Variants in SDK1 observed in about 807,000 individuals in gnomAD.
The protein encoded by SDK1 is sidekick cell adhesion molecule 1.
In SDK1, 157 loss-of-function variants were observed where a neutral mutation model predicts 245.5. That is an observed-to-expected ratio of 0.64 (90% confidence interval 0.56 to 0.73). The LOEUF is 0.73. Among genes scored for constraint, SDK1 ranks in the 30% least tolerant of loss-of-function variants. The probability of loss-of-function intolerance (pLI) is 0.00; values close to 1 mark genes in which losing one functional copy is unlikely to be tolerated. For synonymous variants in SDK1, 1,647 were observed against 1,278.5 expected, an observed-to-expected ratio of 1.29 and a Z score of -6.15; for missense variants, 3,583 against 3,002.3, an observed-to-expected ratio of 1.19 and a Z score of -4.52.
chr7:3,424,385 T>C (rs151317497), intron 1 of SDK1, among the ~76,000 whole-genome samples: 41 of 152,328 alleles, frequency 2.7e-4, no homozygotes, highest in African/African-American at 9.4e-4. Flanking sequence ...TTCCTAAACA[T>C]TTAAGCCTAG....
At chr7:3,563,828 A>G (rs1163114096) in intron 1 of SDK1, among the ~76,000 whole-genome samples, 1 of 152,238 alleles carries the variant, frequency 6.6e-6, no homozygotes, top group Non-Finnish European at 1.5e-5. Flanking sequence ...CCCAGGAATG[A>G]AAGCAATAAC....
intron 1 of SDK1, among the ~76,000 whole-genome samples, chr7:3,442,623 T>G (rs1457606656): frequency 6.6e-6 from 1 of 152,214 alleles, no homozygotes; most frequent in Non-Finnish European, 1.5e-5. Context: ...AGGGATTCAC[T>G]TAGTTTCTCT....
chr7:3,930,137 C>T (rs1471554806), intron 5 of SDK1, among the ~76,000 whole-genome samples: 1 of 152,146 alleles, frequency 6.6e-6, no homozygotes. Flanking sequence ...GGTCCTGATT[C>T]GATGGGTCTG....
chr7:3,671,957 C>G lies in SDK1; in HGVS notation c.713+29852C>G, dbSNP rs1047872400. 2.0e-5 allele frequency among the ~76,000 whole-genome samples: 3 copies of G among 152,150 alleles called. No individual in the cohort carries two copies. In the East Asian group the frequency reaches 5.8e-4, roughly 29 times the overall value. ...CTGAACTTGACTTATCCCTTTACAA[C>G]TGATCCATGCCTACACAGTAGTTGC... On this transcript the variant is annotated intron_variant, in intron 4 of 44. Coordinates refer to ENST00000404826, the MANE Select transcript of SDK1 (RefSeq NM_152744.4).
At chr7:3,467,427 G>A (rs1393255346) in intron 1 of SDK1, among the ~76,000 whole-genome samples, 2 of 151,844 alleles carry the variant, frequency 1.3e-5, no homozygotes, top group South Asian at 4.1e-4. Context: ...AAAATGTATA[G>A]TATAAAAATA....
At position 3,477,189 on chromosome 7, in the gene SDK1, CTTTTTTTTT is replaced by C. The variant is rs35328849; in HGVS notation, c.299-141875_299-141867del. ...TTCATTTTTGCTTTATGGTTTTCTC[CTTTTTTTTT>C]TTTTTTTTTTTTTTTGAGCCAGAGT... On this transcript the variant is annotated intron_variant, in intron 1 of 44. Transcript: ENST00000404826. 1.3e-3 allele frequency among the ~76,000 whole-genome samples: 104 copies of C among 78,656 alleles called. No individual in the cohort carries two copies. In the South Asian group the frequency reaches 0.02, roughly 15 times the overall value. 51.6% of individuals were successfully genotyped at this position (78,656 alleles called of 152,430 possible).
intron 1 of SDK1, among the ~76,000 whole-genome samples, chr7:3,591,528 A>G (rs1780875229): frequency 6.6e-6 from 1 of 152,250 alleles, no homozygotes; most frequent in African/African-American, 2.4e-5. Flanking sequence ...CTGGCTGTTC[A>G]CATTGACATT....
rs562703125 is a variant in SDK1 at position 3,564,375 on chromosome 7, C to G, written c.299-54705C>G. On this transcript the variant is annotated intron_variant, in intron 1 of 44. Transcript: ENST00000404826. ...ACAATGCTGGCACCTGTAGTCCCAGCTGCTTTGGGAGGCCGAGACAGGATA... is the reference window on the plus strand; with the variant it reads ...ACAATGCTGGCACCTGTAGTCCCAGGTGCTTTGGGAGGCCGAGACAGGATA... 2.5e-3 allele frequency among the ~76,000 whole-genome samples: 374 copies of G among 152,112 alleles called. 3 individuals are homozygous for G. The highest frequency in any genetic ancestry group is 8.9e-3 in the African/African-American group (368 of 41,524).
At position 3,557,706 on chromosome 7, in the gene SDK1, T is replaced by G. The variant is rs371920050; in HGVS notation, c.299-61374T>G. The stretch of plus-strand genomic sequence containing the variant: ...AACTCAGTAAAGGGTACTCAGAATC[T>G]CTTTGTATTACATCCTATAACTTGC... On this transcript the variant is annotated intron_variant, in intron 1 of 44. Coordinates refer to ENST00000404826, the MANE Select transcript of SDK1 (RefSeq NM_152744.4). Among the ~76,000 whole-genome samples the G allele has an allele frequency of 7.9e-5, 12 of 152,194 alleles. No homozygotes were observed. The East Asian group carries it at 1.7e-3, about 22-fold the overall frequency.
At position 3,843,757 on chromosome 7, in the gene SDK1, G is replaced by C. The variant is rs532436524; in HGVS notation, c.847+22174G>C. Among the ~76,000 whole-genome samples, 10 of 152,262 alleles carry C rather than the reference G, an allele frequency of 6.6e-5. No homozygotes were observed. In the South Asian group the frequency reaches 2.1e-3, roughly 32 times the overall value. On this transcript the variant is annotated intron_variant, in intron 5 of 44. Coordinates refer to ENST00000404826, the MANE Select transcript of SDK1 (RefSeq NM_152744.4). Reference sequence around the variant, plus strand: ...GACGCTGAGGCTTTTTGGCTGCCTGGTTCTGAGCCTCAGTTTTCCCATCTG... The same window carrying C: ...GACGCTGAGGCTTTTTGGCTGCCTGCTTCTGAGCCTCAGTTTTCCCATCTG...
intron 1 of SDK1, among the ~76,000 whole-genome samples, chr7:3,555,919 A>G (rs972065152): frequency 3.9e-5 from 6 of 152,186 alleles, no homozygotes; most frequent in African/African-American, 1.4e-4. Context: ...GGCAGTAACA[A>G]ATGCTGGCAA....
chr7:3,787,460 C>A (rs1451547859), intron 4 of SDK1, among the ~76,000 whole-genome samples: 1 of 152,048 alleles, frequency 6.6e-6, no homozygotes, highest in East Asian at 1.9e-4. Context: ...TGAGCTTACC[C>A]TAGAGATGAA....
intron 1 of SDK1, among the ~76,000 whole-genome samples, chr7:3,594,080 C>T (rs1780975451): frequency 6.6e-6 from 1 of 152,116 alleles, no homozygotes. Flanking sequence ...AAACCATGTA[C>T]CTACTAGGAG....
At chr7:3,757,971 T>G (rs1253234897) in intron 4 of SDK1, among the ~76,000 whole-genome samples, 2 of 152,100 alleles carry the variant, frequency 1.3e-5, no homozygotes, top group Non-Finnish European at 2.9e-5. Context: ...TTATCACTCA[T>G]GAAATTCCAT....
At chr7:4,126,080 G>A (rs1784375811) in intron 25 of SDK1, among the ~76,000 whole-genome samples, 1 of 152,198 alleles carries the variant, frequency 6.6e-6, no homozygotes. Context: ...GGATATGGTG[G>A]ACTTGAAGTG....
chr7:3,999,236 C>T (rs900006051), intron 14 of SDK1, among the ~76,000 whole-genome samples: 3 of 152,176 alleles, frequency 2.0e-5, no homozygotes, highest in Admixed American at 1.3e-4. Flanking sequence ...TCTTTCTCCC[C>T]ATTCCCTTGG....
chr7:3,588,549 C>T (rs1325335355), intron 1 of SDK1, among the ~76,000 whole-genome samples: 1 of 152,144 alleles, frequency 6.6e-6, no homozygotes. Flanking sequence ...TCCTGCGATC[C>T]TGCAGGGTGC....
In SDK1 at chr7:4,011,066, C is replaced by G; in HGVS notation, c.2232C>G (p.Cys744Trp). 1 of 1,614,000 alleles carries G rather than the reference C, an allele frequency of 6.2e-7. No homozygotes were observed. Residue 744 changes from cysteine (C) to tryptophan (W), a missense_variant, in exon 15 of 45, where the codon TGC becomes TGG. Physicochemically the swap from Cys to Trp is radical, Grantham distance 215. Transcript: ENST00000404826. ...TPARTYQFRV[C>W]AVNEVGRGQY... ...CTCGTACCTATCAATTCCGGGTGTG[C>G]GCGGTGAATGAAGTGGGCAGGGGCC...
chr7:3,314,004 G>C (rs1779608005), intron 1 of SDK1, among the ~76,000 whole-genome samples: 1 of 152,180 alleles, frequency 6.6e-6, no homozygotes, highest in South Asian at 2.1e-4. Flanking sequence ...TAAAGGTATA[G>C]TGATCAATAA....
Sources: allele counts gnomAD v4.1 joint callset (sites outside exome capture counted in the v4.1 genomes callset), GRCh38; gene constraint gnomAD v4.1.1; transcripts MANE v1.5; gene names NCBI Gene and HGNC (gene_info 2026-07-23, HGNC 2026-07-21).